CD300LB: variants seen among roughly 807,000 people sequenced by gnomAD.
CD300LB encodes CD300 molecule like family member b.
A neutral mutation model predicts 20.8 loss-of-function variants in CD300LB; 18 were observed. The observed-to-expected ratio is 0.87, with a 90% confidence interval of 0.60 to 1.28. The LOEUF (loss-of-function observed/expected upper bound fraction) is 1.28, where lower values mean the gene tolerates loss of function less well. Among genes scored for constraint, CD300LB ranks in the 50% most tolerant of loss-of-function variants. The probability of loss-of-function intolerance (pLI) is 0.00; values close to 1 mark genes in which losing one functional copy is unlikely to be tolerated. For synonymous variants in CD300LB, 91 were observed against 91.3 expected (o/e 1.00, Z 0.02); for missense variants, 222 against 251.8 (o/e 0.88, Z 0.80).
Position 74,531,442 on chromosome 17 carries a change from G to A in CD300LB, c.-92C>T. On this transcript the variant is annotated 5_prime_UTR_variant, in exon 1 of 4. Transcript: ENST00000392621. ...ACTCTGGAAGTTCTGCCTGAGCTCT[G>A]GCTTGCACCTTCTGCACATCTAGAC... 6.2e-7 allele frequency: 1 copy of A among 1,602,784 alleles called. No homozygotes were observed. The highest frequency in any genetic ancestry group is 8.5e-7 in the Non-Finnish European group (1 of 1,174,878).
chr17:74,523,624 G>A lies in CD300LB; in HGVS notation c.398C>T (p.Ser133Leu). The A allele has an allele frequency of 1.9e-6, 3 of 1,613,672 alleles. No homozygotes were observed. The highest frequency in any genetic ancestry group is 2.5e-6 in the Non-Finnish European group (3 of 1,179,600). Residue 133 changes from serine to leucine, a missense_variant, in exon 3 of 4, where the codon TCA (serine) becomes TTA (leucine). Physicochemically the swap from Ser to Leu is moderately radical, Grantham distance 145. Transcript: ENST00000392621. Reference sequence around the variant, plus strand: ...CACTGCCATATTGCTGTTGGTAGGTGAGCTTGCTGTTGTGGAAGCCGCTCC... The same window carrying A: ...CACTGCCATATTGCTGTTGGTAGGTAAGCTTGCTGTTGTGGAAGCCGCTCC... ...PEGAASTTAS[S>L]PTNSNMAVFI...
In CD300LB at chr17:74,521,283, G is replaced by T; in HGVS notation, c.*1455C>A. On this transcript the variant is annotated 3_prime_UTR_variant, in exon 4 of 4. Coordinates refer to ENST00000392621, the MANE Select transcript of CD300LB (RefSeq NM_174892.4). ...CCCCTCGCCCCTGAGTCCAGCTGGT[G>T]AAGCACCATGCTTTGGCTTTCCCTC... 1 of 890,038 alleles carries T rather than the reference G, an allele frequency of 1.1e-6. No homozygotes were observed. The highest frequency in any genetic ancestry group is 1.3e-6 in the Non-Finnish European group (1 of 742,860). The allele number at this position is 890,038 out of a possible 1,614,324, so 55.1% of individuals were successfully genotyped here.
intron 1 of CD300LB, among the ~76,000 whole-genome samples, chr17:74,529,714 T>C (rs1234494231): frequency 6.6e-6 from 1 of 152,062 alleles, no homozygotes; most frequent in African/African-American, 2.4e-5. Flanking sequence ...CACTCGAACC[T>C]GGGAGGCGGA....
At chr17:74,526,693 AC>A (rs1223490687) in intron 1 of CD300LB, among the ~76,000 whole-genome samples, 1 of 152,222 alleles carries the variant, frequency 6.6e-6, no homozygotes, top group African/African-American at 2.4e-5. Flanking sequence ...AGCCTAGGCA[AC>A]AGAGTGAGAC....
intron 1 of CD300LB, among the ~76,000 whole-genome samples, chr17:74,528,636 T>A (rs983135687): frequency 1.4e-5 from 2 of 146,978 alleles, no homozygotes; most frequent in South Asian, 2.1e-4. Context: ...GCTCCTCAGT[T>A]TTTTTTTTTC....
chr17:74,521,270 G>C lies in CD300LB; in HGVS notation c.*1468C>G. Reference sequence around the variant, plus strand: ...CAAGCGCCCATGTCCCCTCGCCCCTGAGTCCAGCTGGTGAAGCACCATGCT... The same window carrying C: ...CAAGCGCCCATGTCCCCTCGCCCCTCAGTCCAGCTGGTGAAGCACCATGCT... On this transcript the variant is annotated 3_prime_UTR_variant, in exon 4 of 4. Transcript: ENST00000392621. The C allele has an allele frequency of 1.3e-6, 1 of 778,792 alleles. No homozygotes were observed. Among genetic ancestry groups the C allele is most frequent in the Non-Finnish European group, 1.6e-6 (1 of 641,486 alleles). The allele number at this position is 778,792 out of a possible 1,614,324, so 48.2% of individuals were successfully genotyped here. A position where few individuals can be genotyped will look rare whatever the true frequency, so the allele number is the denominator to read the frequency against.
At chr17:74,527,876 T>G (rs1908082674) in intron 1 of CD300LB, among the ~76,000 whole-genome samples, 1 of 152,118 alleles carries the variant, frequency 6.6e-6, no homozygotes, top group Admixed American at 6.5e-5. Flanking sequence ...AGGTGAGCGG[T>G]GGGCAAGCAA....
intron 3 of CD300LB, 161 bp from the exon 4 acceptor site, chr17:74,523,061 G>A: frequency 1.5e-6 from 1 of 652,490 alleles, no homozygotes; most frequent in Non-Finnish European, 2.6e-6. Flanking sequence ...ACCTCAAGGG[G>A]TCCTCCAACA....
intron 1 of CD300LB, among the ~76,000 whole-genome samples, chr17:74,528,735 C>T (rs1417255364): frequency 6.6e-6 from 1 of 152,044 alleles, no homozygotes; most frequent in Non-Finnish European, 1.5e-5. Flanking sequence ...TGACACTGAA[C>T]TAGTTGGGAA....
chr17:74,529,304 C>T (rs1908129421), intron 1 of CD300LB, among the ~76,000 whole-genome samples: 2 of 152,172 alleles, frequency 1.3e-5, no homozygotes, highest in South Asian at 2.1e-4. Flanking sequence ...GCATCCTCCC[C>T]AACTCTCCTC....
chr17:74,528,980 A>C (rs982666274), intron 1 of CD300LB, among the ~76,000 whole-genome samples: 2 of 151,902 alleles, frequency 1.3e-5, no homozygotes, highest in Non-Finnish European at 2.9e-5. Flanking sequence ...AATGCAAAAG[A>C]TTAGCCAGGA....
At chr17:74,524,935 C>T (rs1452073878) in intron 2 of CD300LB, among the ~76,000 whole-genome samples, 1 of 152,216 alleles carries the variant, frequency 6.6e-6, no homozygotes, top group Non-Finnish European at 1.5e-5. Context: ...TCAGCTGCAG[C>T]CACTGTGTCC....
At position 74,531,193 on chromosome 17, in the gene CD300LB, T is replaced by C; in HGVS notation, c.40+118A>G. On this transcript the variant is annotated intron_variant, in intron 1 of 3. Coordinates refer to ENST00000392621, the MANE Select transcript of CD300LB (RefSeq NM_174892.4). ...ACACGATGTCAGTCCCCAGTGCACCTTTGTCGAATGACTTCACAAAGCCAC... is the reference window on the plus strand; with the variant it reads ...ACACGATGTCAGTCCCCAGTGCACCCTTGTCGAATGACTTCACAAAGCCAC... 5 of 1,238,834 alleles carry C rather than the reference T, an allele frequency of 4.0e-6. No individual in the cohort carries two copies. In the South Asian group the frequency reaches 6.4e-5, roughly 16 times the overall value. 76.7% of individuals were successfully genotyped at this position (1,238,834 alleles called of 1,614,324 possible). A position where few individuals can be genotyped will look rare whatever the true frequency, so the allele number is the denominator to read the frequency against.
Position 74,522,431 on chromosome 17 carries a change from T to A in CD300LB, c.*307A>T. The A allele has an allele frequency of 9.2e-7, 1 of 1,087,004 alleles. No homozygotes were observed. The highest frequency in any genetic ancestry group is 1.1e-6 in the Non-Finnish European group (1 of 892,838). The allele number at this position is 1,087,004 out of a possible 1,614,324, so 67.3% of individuals were successfully genotyped here. A position where few individuals can be genotyped will look rare whatever the true frequency, so the allele number is the denominator to read the frequency against. On this transcript the variant is annotated 3_prime_UTR_variant, in exon 4 of 4. Transcript: ENST00000392621. ...AACCTCTTTCTGTACTTTGGTCCCA[T>A]GCTCTGTGCCCGAGTTATTCCAGCA...
At chr17:74,525,338 G>A (rs1907997026) in intron 2 of CD300LB, among the ~76,000 whole-genome samples, 1 of 152,112 alleles carries the variant, frequency 6.6e-6, no homozygotes, top group Non-Finnish European at 1.5e-5. Flanking sequence ...CTAGAGAGGA[G>A]GGTGTTGTAA....
chr17:74,522,281 AT>A lies in CD300LB; in HGVS notation c.*456del. The A allele has an allele frequency of 1.0e-6, 1 of 987,822 alleles. No homozygotes were observed. The highest frequency in any genetic ancestry group is 4.6e-5 in the South Asian group (1 of 21,976). The allele number at this position is 987,822 out of a possible 1,614,324, so 61.2% of individuals were successfully genotyped here. A position where few individuals can be genotyped will look rare whatever the true frequency, so the allele number is the denominator to read the frequency against. On this transcript the variant is annotated 3_prime_UTR_variant, in exon 4 of 4. Transcript: ENST00000392621. Reference sequence around the variant, plus strand: ...GAGAGGTTTCCTATGAACATAAGTCATTAAAACCCAACTTTGCTAGAAAAAA... The same window carrying A: ...GAGAGGTTTCCTATGAACATAAGTCATAAAACCCAACTTTGCTAGAAAAAA...
chr17:74,526,033 G>T lies in CD300LB; in HGVS notation c.85C>A (p.Gln29Lys). ...QGPESVRAPE[Q>K]GSLTVQCHYK... ...TGGCATTGAACCGTCAGGGACCCCT[G>T]CTCTGGGGCTCTCACAGACTCTGGG... Residue 29 changes from glutamine to lysine, a missense_variant, in exon 2 of 4, where the codon CAG becomes AAG. Transcript: ENST00000392621. The T allele has an allele frequency of 6.2e-7, 1 of 1,614,070 alleles. No homozygotes were observed. Among genetic ancestry groups the T allele is most frequent in the African/African-American group, 1.3e-5 (1 of 75,034 alleles).
chr17:74,523,231 CTG>C, intron 3 of CD300LB: 1 of 505,812 alleles, frequency 2.0e-6, no homozygotes, highest in South Asian at 2.6e-5. Context: ...TAGCTCCAGG[CTG>C]GTAAATCACC....
intron 1 of CD300LB, among the ~76,000 whole-genome samples, chr17:74,530,726 C>T (rs1908183840): frequency 6.6e-6 from 1 of 152,158 alleles, no homozygotes; most frequent in South Asian, 2.1e-4. Context: ...CCGCACACGC[C>T]TCCACCAATG....
Sources: gnomAD v4.1 joint callset for allele counts (sites outside exome capture counted in the v4.1 genomes callset) on GRCh38, gnomAD v4.1.1 for gene constraint, MANE v1.5 for transcripts, NCBI Gene and HGNC (gene_info 2026-07-23, HGNC 2026-07-21) for gene names.